The following SRGAP3 variants were observed in gnomAD, a reference collection of about 807,000 sequenced individuals.
SRGAP3 encodes the protein SLIT-ROBO Rho GTPase-activating protein 3.
In SRGAP3, 39 loss-of-function variants were observed where a neutral mutation model predicts 121.1. The ratio of observed to expected loss-of-function variants is 0.32; its 90% CI spans 0.25 to 0.42. The LOEUF is 0.42. Ranked by LOEUF, SRGAP3 falls within the 10% of genes least tolerant of loss-of-function variation. The probability of loss-of-function intolerance (pLI) is 1.00; values close to 1 mark genes in which losing one functional copy is unlikely to be tolerated. For synonymous variants in SRGAP3, 601 were observed against 570.0 expected (o/e 1.05, Z -0.77); for missense variants, 1,213 against 1,470.6 (o/e 0.82, Z 2.86).
chr3:9,114,919 T>C (rs1268762442), intron 2 of SRGAP3, among the ~76,000 whole-genome samples: 1 of 152,214 alleles, frequency 6.6e-6, no homozygotes, highest in Non-Finnish European at 1.5e-5. Flanking sequence ...CATCATCTCA[T>C]TGCACCTTCA....
intron 9 of SRGAP3, among the ~76,000 whole-genome samples, chr3:9,051,938 C>G (rs1945599157): frequency 6.6e-6 from 1 of 152,070 alleles, no homozygotes; most frequent in African/African-American, 2.4e-5. Flanking sequence ...GTCTAGAACT[C>G]CTGAGCTCAG....
Position 9,104,819 on chromosome 3 carries a change from G to T in SRGAP3, c.284C>A (p.Pro95His). The change falls in exon 3 of 22, where the codon CCT becomes CAT. Residue 95 changes from proline to histidine, a missense_variant. Pro to His is a moderately conservative substitution (Grantham distance 77). Transcript: ENST00000383836. Reference sequence around the variant, plus strand: ...CAGAACCAGATACCAACAGTTCACAGGCGAGAGGAGGTACTGGTCCTTCCT... The same window carrying T: ...CAGAACCAGATACCAACAGTTCACATGCGAGAGGAGGTACTGGTCCTTCCT... ...QFKKDQYLLS[P>H]VNCWYLVLHQ... 6.2e-7 allele frequency: 1 copy of T among 1,614,246 alleles called. No homozygotes were observed. The highest frequency in any genetic ancestry group is 8.5e-7 in the Non-Finnish European group (1 of 1,180,038).
At chr3:9,276,366 C>T (rs1032101336) in intron 3 of SRGAP3, among the ~76,000 whole-genome samples, 11 of 151,912 alleles carry the variant, frequency 7.2e-5, no homozygotes, top group Non-Finnish European at 1.6e-4. Context: ...GACCCTCCTT[C>T]ATTGGCATCC....
chr3:8,994,998 T>C (rs1201204173), intron 18 of SRGAP3, among the ~76,000 whole-genome samples: 1 of 152,194 alleles, frequency 6.6e-6, no homozygotes, highest in Non-Finnish European at 1.5e-5. Flanking sequence ...ATTTTAAGGG[T>C]ACCCAGACCC....
rs149191658 is a variant in SRGAP3, at chr3:9,232,534, C to G, written c.67+16351G>C. On this transcript the variant is annotated intron_variant, in intron 1 of 21. Coordinates refer to ENST00000383836, the MANE Select transcript of SRGAP3 (RefSeq NM_014850.4). ...TTTAAAACTGTAATACATACACACA[C>G]AGACACACATACACACACACACTTT... is the stretch of plus-strand genomic sequence containing the variant. 9.2e-3 allele frequency among the ~76,000 whole-genome samples: 1,399 copies of G among 152,248 alleles called. 21 individuals are homozygous for G. Among genetic ancestry groups the G allele is most frequent in the African/African-American group, 0.032 (1,334 of 41,530 alleles).
At chr3:9,067,858 G>C (rs1212241905) in intron 4 of SRGAP3, among the ~76,000 whole-genome samples, 1 of 152,098 alleles carries the variant, frequency 6.6e-6, no homozygotes, top group Non-Finnish European at 1.5e-5. Flanking sequence ...TGGTGGAACT[G>C]GCATACAGAG....
chr3:9,002,953 C>G (rs990319972), intron 18 of SRGAP3, among the ~76,000 whole-genome samples: 1 of 152,136 alleles, frequency 6.6e-6, no homozygotes, highest in Non-Finnish European at 1.5e-5. Context: ...AAACTACCCA[C>G]AAATAAATGC....
intron 3 of SRGAP3, among the ~76,000 whole-genome samples, chr3:9,269,866 AG>A (rs1314454685): frequency 6.6e-6 from 1 of 152,078 alleles, no homozygotes; most frequent in Non-Finnish European, 1.5e-5. Flanking sequence ...AAATGTGGCA[AG>A]GAAGGAAGAA....
At chr3:9,094,796 C>T (rs1035505857) in intron 3 of SRGAP3, among the ~76,000 whole-genome samples, 1 of 152,104 alleles carries the variant, frequency 6.6e-6, no homozygotes. Context: ...TGCTCGGTTG[C>T]CCAGGCTGGA....
At chr3:9,153,513 T>A (rs1165459900) in intron 1 of SRGAP3, among the ~76,000 whole-genome samples, 2 of 152,172 alleles carry the variant, frequency 1.3e-5, no homozygotes, top group Non-Finnish European at 2.9e-5. Flanking sequence ...TCAACTACAA[T>A]GCCAAAGAAA....
Position 8,985,019 on chromosome 3 carries a change from TAAAAAG to T in SRGAP3, c.*494_*499del, listed in dbSNP as rs1941601228. On this transcript the variant is annotated 3_prime_UTR_variant, in exon 22 of 22. Transcript: ENST00000383836. The surrounding 1 kb of genome is among the most constrained non-coding windows in gnomAD (Gnocchi z 5.1). ...GGATCTGAGGTAAATCTAAGTTTCA[TAAAAAG>T]AAAAAGGAGATACTATATACACTTA... 4 of 227,166 alleles carry T rather than the reference TAAAAAG, an allele frequency of 1.8e-5. No homozygotes were observed. Among genetic ancestry groups the T allele is most frequent in the Admixed American group, 1.1e-4 (2 of 17,492 alleles). The allele number at this position is 227,166 out of a possible 1,614,324, so 14.1% of individuals were successfully genotyped here. A position where few individuals can be genotyped will look rare whatever the true frequency, so the allele number is the denominator to read the frequency against.
At chr3:9,128,642 T>C (rs1465212830) in intron 1 of SRGAP3, among the ~76,000 whole-genome samples, 1 of 152,216 alleles carries the variant, frequency 6.6e-6, no homozygotes, top group Non-Finnish European at 1.5e-5. Context: ...AAAAAATATA[T>C]ACAAGAATAC....
intron 1 of SRGAP3, among the ~76,000 whole-genome samples, chr3:9,136,975 C>T (rs919614858): frequency 2.0e-5 from 3 of 152,192 alleles, no homozygotes; most frequent in African/African-American, 7.2e-5. Context: ...GTTTTCCCAT[C>T]TGCAGGATGG....
intron 1 of SRGAP3, among the ~76,000 whole-genome samples, chr3:9,236,993 G>A (rs1953436509): frequency 6.6e-6 from 1 of 151,954 alleles, no homozygotes; most frequent in African/African-American, 2.4e-5. Context: ...TCCTGCAATC[G>A]GCCACCTGTT....
In SRGAP3 at chr3:9,073,252, T is replaced by A. The variant is rs116230070; in HGVS notation, c.486+6773A>T. Among the ~76,000 whole-genome samples the A allele has an allele frequency of 8.9e-3, 1,362 of 152,292 alleles. 21 individuals are homozygous for A. The highest frequency in any genetic ancestry group is 0.03 in the African/African-American group (1,253 of 41,558). On this transcript the variant is annotated intron_variant, in intron 4 of 21. Coordinates refer to ENST00000383836, the MANE Select transcript of SRGAP3 (RefSeq NM_014850.4). ...TTCACCTCCCAAGCTCAGGTAATCC[T>A]CCCACCTCAACCTCCCGGGTAGCTG...
At chr3:9,049,101 G>A (rs1945429337) in intron 9 of SRGAP3, among the ~76,000 whole-genome samples, 3 of 152,232 alleles carry the variant, frequency 2.0e-5, no homozygotes, top group Admixed American at 1.3e-4. Flanking sequence ...AAAGGGGGCA[G>A]AGAAAAGTGA....
At chr3:9,251,217 C>G (rs1954007032), upstream of SRGAP3, among the ~76,000 whole-genome samples, 1 of 152,146 alleles carries the variant, frequency 6.6e-6, no homozygotes, top group Admixed American at 6.5e-5. Flanking sequence ...AGCACAAGAC[C>G]TGCTTGGAGC....
intron 1 of SRGAP3, among the ~76,000 whole-genome samples, chr3:9,149,514 C>A (rs887151446): frequency 5.2e-4 from 79 of 152,180 alleles, no homozygotes; most frequent in African/African-American, 1.8e-3. Context: ...ACAGAGCTGC[C>A]CTGTGACTTG....
chr3:9,346,732 A>G (rs1955897072), intron 1 of SRGAP3, among the ~76,000 whole-genome samples: 1 of 149,194 alleles, frequency 6.7e-6, no homozygotes. Context: ...ACAAGAATAG[A>G]GCAACTAAAA....
Sources: gnomAD v4.1 joint callset for allele counts (sites outside exome capture counted in the v4.1 genomes callset) on GRCh38, gnomAD v4.1.1 for gene constraint, Gnocchi (gnomAD v3.1) non-coding constraint, MANE v1.5 for transcripts, NCBI Gene and HGNC (gene_info 2026-07-23, HGNC 2026-07-21) for gene names.